Variants in LRRC4C observed in about 807,000 individuals in gnomAD.
LRRC4C encodes leucine rich repeat containing 4C, also known as leucine-rich repeat-containing protein 4C.
LRRC4C carries 5 observed loss-of-function variants against 33.6 expected under a neutral mutation model. That is an observed-to-expected ratio of 0.15 (90% CI 0.08 to 0.31). The LOEUF (loss-of-function observed/expected upper bound fraction) is 0.31, where lower values mean the gene tolerates loss of function less well. Among genes scored for constraint, LRRC4C ranks in the 10% least tolerant of loss-of-function variants. The probability of loss-of-function intolerance (pLI) is 1.00; values close to 1 mark genes in which losing one functional copy is unlikely to be tolerated. For missense variants in LRRC4C, 560 were observed against 796.7 expected, an observed-to-expected ratio of 0.70 and a Z score of 3.58; for synonymous variants, 329 against 302.0, an observed-to-expected ratio of 1.09 and a Z score of -0.93.
chr11:40,686,468 C>T lies in LRRC4C; in HGVS notation c.-406-38190G>A, dbSNP rs573601857. 3.5e-4 allele frequency among the ~76,000 whole-genome samples: 53 copies of T among 151,962 alleles called. No homozygotes were observed. In the South Asian group the frequency reaches 8.3e-3, roughly 24 times the overall value. On this transcript the variant is annotated intron_variant, in intron 2 of 6. Coordinates refer to ENST00000528697, the MANE Select transcript of LRRC4C (RefSeq NM_001258419.2). ...AATGTGCTGATGCCTCCCATTACCCCGAGAGATACTCACTAACTTCACCGG... is the reference window on the plus strand; with the variant it reads ...AATGTGCTGATGCCTCCCATTACCCTGAGAGATACTCACTAACTTCACCGG...
chr11:40,312,870 A>T (rs1216913813), intron 4 of LRRC4C, among the ~76,000 whole-genome samples: 1 of 152,138 alleles, frequency 6.6e-6, no homozygotes, highest in African/African-American at 2.4e-5. Context: ...CAGTTACATG[A>T]AGGCTCAAGC....
chr11:41,377,736 G>C (rs1358758890), intron 1 of LRRC4C, among the ~76,000 whole-genome samples: 1 of 152,088 alleles, frequency 6.6e-6, no homozygotes, highest in Non-Finnish European at 1.5e-5. Flanking sequence ...TGTTTTACTC[G>C]TTATGGGTAT....
chr11:40,294,892 G>T (rs952008388), intron 4 of LRRC4C, among the ~76,000 whole-genome samples: 1 of 151,856 alleles, frequency 6.6e-6, no homozygotes, highest in Middle Eastern at 3.2e-3. Flanking sequence ...ATCCAGAGTA[G>T]CTTAAAAGCT....
chr11:41,223,619 A>C (rs539343564), intron 1 of LRRC4C, among the ~76,000 whole-genome samples: 61 of 152,306 alleles, frequency 4.0e-4, no homozygotes, highest in African/African-American at 1.3e-3. Context: ...CTAGTCTCCC[A>C]AAGAAGGAGC....
chr11:40,684,508 T>C (rs1381751911), intron 2 of LRRC4C, among the ~76,000 whole-genome samples: 8 of 151,984 alleles, frequency 5.3e-5, no homozygotes, highest in Middle Eastern at 3.2e-3. Flanking sequence ...ACCTAACATA[T>C]ATCTAAAATA....
intron 1 of LRRC4C, among the ~76,000 whole-genome samples, chr11:41,189,833 C>T (rs1322058512): frequency 2.0e-5 from 3 of 152,184 alleles, no homozygotes; most frequent in Non-Finnish European, 2.9e-5. Context: ...TATTTCAATT[C>T]TGCCTAGCTA....
At chr11:41,182,182 G>C (rs1028828713) in intron 1 of LRRC4C, among the ~76,000 whole-genome samples, 1 of 152,124 alleles carries the variant, frequency 6.6e-6, no homozygotes, top group Non-Finnish European at 1.5e-5. Context: ...GAGAATAAGA[G>C]ACTTATTGAT....
intron 1 of LRRC4C, among the ~76,000 whole-genome samples, chr11:41,442,868 A>C (rs888176498): frequency 6.6e-6 from 1 of 152,140 alleles, no homozygotes; most frequent in East Asian, 1.9e-4. Flanking sequence ...TCTATCTTCA[A>C]ATTTCTGCCC....
intron 4 of LRRC4C, among the ~76,000 whole-genome samples, chr11:40,309,771 T>G (rs1945210853): frequency 6.6e-6 from 1 of 152,118 alleles, no homozygotes; most frequent in Admixed American, 6.5e-5. Flanking sequence ...CCTCCCAAAA[T>G]GCTGGGATGA....
chr11:41,101,217 A>G (rs1941155007), intron 1 of LRRC4C, among the ~76,000 whole-genome samples: 1 of 152,206 alleles, frequency 6.6e-6, no homozygotes, highest in South Asian at 2.1e-4. Context: ...TAAATAGGCC[A>G]CCTACAGAGT....
At chr11:41,230,382 T>C (rs945346855) in intron 1 of LRRC4C, among the ~76,000 whole-genome samples, 2 of 152,012 alleles carry the variant, frequency 1.3e-5, no homozygotes, top group African/African-American at 4.8e-5. Flanking sequence ...CTAGAAACCA[T>C]TGATAATGGT....
chr11:40,738,370 C>T (rs369969189), intron 2 of LRRC4C, among the ~76,000 whole-genome samples: 1 of 152,044 alleles, frequency 6.6e-6, no homozygotes, highest in South Asian at 2.1e-4. Context: ...TCACATGAGC[C>T]AATTCTCCAA....
chr11:40,817,315 C>T (rs2135433808), intron 2 of LRRC4C, among the ~76,000 whole-genome samples: 2 of 152,226 alleles, frequency 1.3e-5, no homozygotes, highest in East Asian at 3.9e-4. Context: ...GACAGAGAGA[C>T]TTTCTGAGAC....
chr11:40,189,495 G>A (rs1487111992), intron 5 of LRRC4C, among the ~76,000 whole-genome samples: 2 of 152,138 alleles, frequency 1.3e-5, no homozygotes, highest in Non-Finnish European at 2.9e-5. Context: ...CTGTAGAAAA[G>A]CAGCATCATG....
At chr11:41,036,666 T>C (rs570310530) in intron 1 of LRRC4C, among the ~76,000 whole-genome samples, 27 of 152,208 alleles carry the variant, frequency 1.8e-4, no homozygotes, top group African/African-American at 6.3e-4. Flanking sequence ...TTTAAACAGG[T>C]AAAATCATGA....
At chr11:40,885,638 G>C (rs185900492) in intron 2 of LRRC4C, among the ~76,000 whole-genome samples, 1 of 152,188 alleles carries the variant, frequency 6.6e-6, no homozygotes, top group Admixed American at 6.6e-5. Flanking sequence ...CTATAATTTA[G>C]AGACACAGGT....
At chr11:40,669,932 C>A (rs966743552) in intron 2 of LRRC4C, among the ~76,000 whole-genome samples, 3 of 152,150 alleles carry the variant, frequency 2.0e-5, no homozygotes, top group African/African-American at 7.2e-5. Flanking sequence ...ATAAAATATA[C>A]TATACTATAA....
chr11:40,246,747 G>A (rs531781931), intron 4 of LRRC4C, among the ~76,000 whole-genome samples: 76 of 151,940 alleles, frequency 5.0e-4, no homozygotes, highest in African/African-American at 1.8e-3. Flanking sequence ...ATAAAAGTAG[G>A]TAGTTCCTTT....
At chr11:40,606,301 C>T (rs1960582091) in intron 3 of LRRC4C, among the ~76,000 whole-genome samples, 1 of 152,120 alleles carries the variant, frequency 6.6e-6, no homozygotes, top group South Asian at 2.1e-4. Context: ...AGATTACCAG[C>T]TCCTGAATGA....
Sources: allele counts gnomAD v4.1 joint callset (sites outside exome capture counted in the v4.1 genomes callset), GRCh38; gene constraint gnomAD v4.1.1; transcripts MANE v1.5; gene names NCBI Gene and HGNC (gene_info 2026-07-23, HGNC 2026-07-21).